DAW1: variants seen among roughly 807,000 people sequenced by gnomAD.
The protein encoded by DAW1 is dynein assembly factor with WD repeats 1, also known as dynein assembly factor with WD repeat domains 1.
In DAW1, 47 loss-of-function variants were observed where a neutral mutation model predicts 56.5. That is an observed-to-expected ratio of 0.83 (90% confidence interval 0.66 to 1.06). DAW1 has a LOEUF of 1.06. Ranked by LOEUF, DAW1 falls within the 50% of genes least tolerant of loss-of-function variation. The probability of loss-of-function intolerance (pLI) is 0.00; values close to 1 mark genes in which losing one functional copy is unlikely to be tolerated. For synonymous variants in DAW1, 190 were observed against 179.0 expected (o/e 1.06, Z -0.49); for missense variants, 505 against 499.3 (o/e 1.01, Z -0.11).
At chr2:227,920,203 CT>C (rs1276226616) in intron 11 of DAW1, among the ~76,000 whole-genome samples, 1 of 152,128 alleles carries the variant, frequency 6.6e-6, no homozygotes, top group Non-Finnish European at 1.5e-5. Context: ...ACATTTTATG[CT>C]TTTTAAATGA....
At position 227,885,251 on chromosome 2, in the gene DAW1, T is replaced by A. The variant is rs551585386; in HGVS notation, c.41-100T>A. On this transcript the variant is annotated intron_variant, in intron 1 of 12. Coordinates refer to ENST00000309931, the MANE Select transcript of DAW1 (RefSeq NM_178821.3). ...TTATTTTTTGTTAAAAAATTAAAAA[T>A]TTTAAAAATAAAAATGGAAAAAACT... The A allele has an allele frequency of 6.6e-5, 54 of 818,996 alleles. No homozygotes were observed. In the African/African-American group the frequency reaches 9.3e-4, roughly 14 times the overall value. 50.7% of individuals were successfully genotyped at this position (818,996 alleles called of 1,614,324 possible).
chr2:227,903,006 G>T lies in DAW1; in HGVS notation c.545G>T (p.Cys182Phe), dbSNP rs146357367. The T allele has an allele frequency of 3.9e-5, 63 of 1,613,912 alleles. No individual in the cohort carries two copies. In the African/African-American group the frequency reaches 6.4e-4, roughly 16 times the overall value. Reference protein sequence around the residue: ...TFRGHTAEIVCLSFNPQSTLV... With the variant: ...TFRGHTAEIVFLSFNPQSTLV... ...CTCCCATTTTATGTAATTTAGGTGTGTTTATCATTTAACCCTCAAAGCACA... is the reference window on the plus strand; with the variant it reads ...CTCCCATTTTATGTAATTTAGGTGTTTTTATCATTTAACCCTCAAAGCACA... The change falls in exon 7 of 13, where the codon TGT (cysteine) becomes TTT (phenylalanine). Residue 182 changes from cysteine to phenylalanine, a missense_variant. By Grantham distance (205) the Cys-to-Phe change is radical (BLOSUM62 -2). Coordinates refer to ENST00000309931, the MANE Select transcript of DAW1 (RefSeq NM_178821.3).
intron 9 of DAW1, 131 bp downstream of exon 9, chr2:227,906,469 G>A: frequency 1.4e-6 from 1 of 702,092 alleles, no homozygotes. Flanking sequence ...AAAAATAGTT[G>A]GTAATTTTTA....
chr2:227,873,770 T>C (rs1690810424), intron 1 of DAW1, among the ~76,000 whole-genome samples: 1 of 152,166 alleles, frequency 6.6e-6, no homozygotes, highest in Non-Finnish European at 1.5e-5. Flanking sequence ...CAACTCCACC[T>C]CTTGGATTCA....
chr2:227,908,982 A>G (rs1317390410), intron 10 of DAW1, among the ~76,000 whole-genome samples: 1 of 152,302 alleles, frequency 6.6e-6, no homozygotes, highest in African/African-American at 2.4e-5. Context: ...ACCACATATG[A>G]TGCTATATTG....
chr2:227,907,135 T>C lies in DAW1; in HGVS notation c.859-3T>C. ...TTTTTGTTTTTTGTTCTTTTAATTG[T>C]AGCTGTGGGATGCTACAAATGGAAA... On this transcript the variant is annotated splice_polypyrimidine_tract_variant and splice_region_variant and intron_variant, in intron 9 of 12. Coordinates refer to ENST00000309931, the MANE Select transcript of DAW1 (RefSeq NM_178821.3). The C allele has an allele frequency of 2.5e-6, 4 of 1,600,996 alleles. No individual in the cohort carries two copies. Among genetic ancestry groups the C allele is most frequent in the Non-Finnish European group, 3.4e-6 (4 of 1,174,476 alleles).
intron 10 of DAW1, among the ~76,000 whole-genome samples, chr2:227,916,841 A>G (rs1404276850): frequency 6.6e-6 from 1 of 152,154 alleles, no homozygotes; most frequent in Admixed American, 6.5e-5. Context: ...CAGCATGTCT[A>G]TGTTAACATT....
intron 11 of DAW1, among the ~76,000 whole-genome samples, chr2:227,919,125 G>A (rs1692045656): frequency 6.6e-6 from 1 of 151,202 alleles, no homozygotes; most frequent in South Asian, 2.1e-4. Context: ...GAGCCCAGGA[G>A]GTCAAGGCTG....
At position 227,876,185 on chromosome 2, in the gene DAW1, A is replaced by AT. The variant is rs1443494265; in HGVS notation, c.40+4456_40+4457insT. ...CGCCCGCCAGTACGCCAGGCTAATT[A>AT]ATTTTTTTGTATTTTTAGTAGAGAC... On this transcript the variant is annotated intron_variant, in intron 1 of 12. Transcript: ENST00000309931. 1.1e-4 allele frequency among the ~76,000 whole-genome samples: 16 copies of AT among 151,978 alleles called. No homozygotes were observed. The East Asian group carries it at 2.5e-3, about 24-fold the overall frequency.
intron 3 of DAW1, 32 bp from the exon 4 acceptor site, chr2:227,891,217 GGTTTGA>G (rs1218136752): frequency 6.3e-6 from 10 of 1,574,838 alleles, no homozygotes; most frequent in Admixed American, 1.7e-5. Flanking sequence ...AATTTAATTT[GGTTTGA>G]GTCTAAAAAA....
intron 10 of DAW1, among the ~76,000 whole-genome samples, chr2:227,916,060 T>C (rs1011141649): frequency 1.3e-5 from 2 of 152,162 alleles, no homozygotes; most frequent in Non-Finnish European, 1.5e-5. Context: ...TAAATCTTTG[T>C]GATTTCCCTG....
intron 7 of DAW1, among the ~76,000 whole-genome samples, chr2:227,904,700 C>T (rs1195135302): frequency 1.3e-5 from 2 of 152,058 alleles, no homozygotes; most frequent in Non-Finnish European, 2.9e-5. Flanking sequence ...TTAGTAAACT[C>T]ACAGTATTGT....
intron 11 of DAW1, among the ~76,000 whole-genome samples, chr2:227,919,400 C>T (rs951433606): frequency 2.0e-5 from 3 of 151,962 alleles, no homozygotes; most frequent in African/African-American, 7.3e-5. Flanking sequence ...GAACAGCATT[C>T]GCCTCCACTG....
At chr2:227,886,684 C>T (rs913547545) in intron 2 of DAW1, among the ~76,000 whole-genome samples, 17 of 152,160 alleles carry the variant, frequency 1.1e-4, no homozygotes, top group African/African-American at 2.7e-4. Flanking sequence ...TGGTGGCTCA[C>T]ACCTGTAATC....
At chr2:227,886,313 C>A (rs1691128715) in intron 2 of DAW1, among the ~76,000 whole-genome samples, 1 of 152,172 alleles carries the variant, frequency 6.6e-6, no homozygotes, top group Non-Finnish European at 1.5e-5. Context: ...AGTTCATTCT[C>A]TTTAGTAAAT....
At chr2:227,885,928 C>G (rs1348203419) in intron 2 of DAW1, among the ~76,000 whole-genome samples, 1 of 151,832 alleles carries the variant, frequency 6.6e-6, no homozygotes, top group Non-Finnish European at 1.5e-5. Flanking sequence ...GACCGTTTCT[C>G]AGACTTCCCT....
intron 10 of DAW1, among the ~76,000 whole-genome samples, chr2:227,910,232 G>A (rs566286211): frequency 2.0e-5 from 3 of 151,976 alleles, no homozygotes; most frequent in African/African-American, 7.3e-5. Context: ...TTGGAGGATC[G>A]CTTGAGGCCA....
At chr2:227,907,103 C>CTTTTTTTTTT in intron 9 of DAW1, 35 bp from the exon 10 acceptor site, 1 of 1,143,104 alleles carries the variant, frequency 8.7e-7, no homozygotes, top group African/African-American at 1.6e-5. Flanking sequence ...AAGTCATAGT[C>CTTTTTTTTTT]TTTTTTTTTT....
chr2:227,883,945 T>C (rs1442440310), intron 1 of DAW1, among the ~76,000 whole-genome samples: 1 of 152,200 alleles, frequency 6.6e-6, no homozygotes, highest in Non-Finnish European at 1.5e-5. Context: ...TCCTAAATAA[T>C]TTTTAAGAGT....
Sources: allele counts gnomAD v4.1 joint callset (sites outside exome capture counted in the v4.1 genomes callset), GRCh38; gene constraint gnomAD v4.1.1; transcripts MANE v1.5; gene names NCBI Gene and HGNC (gene_info 2026-07-23, HGNC 2026-07-21).